WDR59: variants seen among roughly 807,000 people sequenced by gnomAD.
The protein encoded by WDR59 is WD repeat domain 59.
WDR59 carries 100 observed loss-of-function variants against 131.2 expected under a neutral mutation model. That is an observed-to-expected ratio of 0.76 (90% CI 0.65 to 0.90). The LOEUF is 0.90. Ranked by LOEUF, WDR59 falls within the 40% of genes least tolerant of loss-of-function variation. The pLI is 0.00. For synonymous variants in WDR59, 601 were observed against 466.2 expected, an observed-to-expected ratio of 1.29 and a Z score of -3.72; for missense variants, 1,203 against 1,262.2, an observed-to-expected ratio of 0.95 and a Z score of 0.71.
chr16:74,939,828 G>GA (rs34266133), intron 7 of WDR59, among the ~76,000 whole-genome samples: 2 of 151,720 alleles, frequency 1.3e-5, no homozygotes, highest in African/African-American at 2.4e-5. Context: ...ATCTCTACAA[G>GA]AAAAAAATTT....
chr16:74,965,638 A>G (rs1402637354), intron 2 of WDR59, 135 bp downstream of exon 2: 1 of 1,036,886 alleles, frequency 9.6e-7, no homozygotes, highest in Non-Finnish European at 1.5e-6. Context: ...AGTAGCCCTG[A>G]GGCAAACAGG....
At chr16:74,982,856 G>C (rs146928586) in intron 1 of WDR59, among the ~76,000 whole-genome samples, 1 of 152,042 alleles carries the variant, frequency 6.6e-6, no homozygotes, top group East Asian at 1.9e-4. Flanking sequence ...CTCATTCTCC[G>C]GCAAAAGACA....
intron 5 of WDR59, among the ~76,000 whole-genome samples, chr16:74,949,330 CA>C (rs550013099): frequency 0.16 from 6,983 of 42,604 alleles, 98 homozygotes; most frequent in East Asian, 0.25. Context: ...TACCTTGTCT[CA>C]AAAAAAAAAA....
intron 17 of WDR59, among the ~76,000 whole-genome samples, chr16:74,907,047 A>T (rs1269917792): frequency 6.6e-6 from 1 of 152,154 alleles, no homozygotes; most frequent in East Asian, 1.9e-4. Flanking sequence ...CCCTTTGAGA[A>T]TACAGGACTG....
At chr16:74,945,957 A>C (rs1218861541) in intron 6 of WDR59, among the ~76,000 whole-genome samples, 3 of 151,650 alleles carry the variant, frequency 2.0e-5, no homozygotes, top group East Asian at 3.9e-4. Context: ...AGCTGAGATT[A>C]CAGGCATGCA....
At chr16:74,928,478 C>T (rs2031074390) in intron 8 of WDR59, among the ~76,000 whole-genome samples, 1 of 151,974 alleles carries the variant, frequency 6.6e-6, no homozygotes, top group Non-Finnish European at 1.5e-5. Context: ...CTAAACCTCC[C>T]AAAGTGCTGA....
At chr16:74,932,819 G>A (rs2031505729) in intron 8 of WDR59, among the ~76,000 whole-genome samples, 2 of 152,050 alleles carry the variant, frequency 1.3e-5, no homozygotes, top group Non-Finnish European at 2.9e-5. Flanking sequence ...CAGTTAATAG[G>A]GTGAAAGGAT....
At chr16:74,963,765 A>G (rs2033657068) in intron 2 of WDR59, among the ~76,000 whole-genome samples, 1 of 152,168 alleles carries the variant, frequency 6.6e-6, no homozygotes, top group South Asian at 2.1e-4. Context: ...TTTTTTTTAA[A>G]AAGAAGAGAA....
chr16:74,969,541 G>T (rs1439009130), intron 1 of WDR59, among the ~76,000 whole-genome samples: 1 of 150,430 alleles, frequency 6.6e-6, no homozygotes, highest in Non-Finnish European at 1.5e-5. Flanking sequence ...AAAGTACTGG[G>T]ACTACAGGTG....
intron 21 of WDR59, among the ~76,000 whole-genome samples, chr16:74,888,754 A>G (rs998274994): frequency 1.3e-5 from 2 of 152,196 alleles, no homozygotes; most frequent in Non-Finnish European, 2.9e-5. Context: ...GAAGGAGCTC[A>G]GAGGACACTG....
intron 6 of WDR59, among the ~76,000 whole-genome samples, chr16:74,945,331 G>T (rs1262238500): frequency 2.0e-5 from 3 of 151,498 alleles, no homozygotes; most frequent in Non-Finnish European, 2.9e-5. Flanking sequence ...AAAAAAATTA[G>T]CCGGGCATGG....
At chr16:74,916,078 G>A in intron 12 of WDR59, 49 bp downstream of exon 12, 1 of 1,613,892 alleles carries the variant, frequency 6.2e-7, no homozygotes. Context: ...CCACAACTCT[G>A]CAATGCGTAG....
At chr16:74,891,377 G>C (rs1197696207) in intron 20 of WDR59, among the ~76,000 whole-genome samples, 1 of 152,000 alleles carries the variant, frequency 6.6e-6, no homozygotes, top group African/African-American at 2.4e-5. Flanking sequence ...ATATACAGAA[G>C]GTATTGTCGA....
intron 3 of WDR59, among the ~76,000 whole-genome samples, chr16:74,955,627 C>T (rs372173432): frequency 1.3e-4 from 20 of 152,116 alleles, no homozygotes; most frequent in Non-Finnish European, 2.4e-4. Flanking sequence ...CTGGGAAGGG[C>T]GGCTTTCTGT....
chr16:74,929,287 G>C (rs1383751583), intron 8 of WDR59, among the ~76,000 whole-genome samples: 1 of 152,132 alleles, frequency 6.6e-6, no homozygotes, highest in Non-Finnish European at 1.5e-5. Context: ...GTGTTAGCCA[G>C]GATGGTCTCG....
intron 8 of WDR59, among the ~76,000 whole-genome samples, chr16:74,925,191 T>C (rs903287792): frequency 6.6e-6 from 1 of 152,144 alleles, no homozygotes; most frequent in African/African-American, 2.4e-5. Flanking sequence ...TAAAACAACT[T>C]AGATGACTCT....
chr16:74,970,731 A>T (rs891289903), intron 1 of WDR59, among the ~76,000 whole-genome samples: 2 of 151,902 alleles, frequency 1.3e-5, no homozygotes, highest in Non-Finnish European at 2.9e-5. Context: ...TTGTACACAG[A>T]GGTGCTCTGT....
chr16:74,916,198 G>A lies in WDR59; in HGVS notation c.1028C>T (p.Pro343Leu), dbSNP rs769892092. The change falls in exon 12 of 26, where the codon CCG (proline) becomes CTG (leucine). Residue 343 changes from proline (P) to leucine (L), a missense_variant. Coordinates refer to ENST00000262144, the MANE Select transcript of WDR59 (RefSeq NM_030581.4). ...DEFIESISLL[P>L]EPEKTLHTED... ...AGTGTGCAGGGTCTTCTCAGGTTCC[G>A]GCAGAAGGGAAATACTCTCAATGAA... The A allele has an allele frequency of 6.2e-6, 10 of 1,613,966 alleles. No homozygotes were observed. The highest frequency in any genetic ancestry group is 1.3e-5 in the African/African-American group (1 of 74,986).
At chr16:74,969,859 T>G (rs762103595) in intron 1 of WDR59, among the ~76,000 whole-genome samples, 3 of 151,968 alleles carry the variant, frequency 2.0e-5, no homozygotes, top group African/African-American at 7.3e-5. Context: ...TGATCTCAGC[T>G]CACTGCAGCC....
Sources: allele counts gnomAD v4.1 joint callset (sites outside exome capture counted in the v4.1 genomes callset), GRCh38; gene constraint gnomAD v4.1.1; transcripts MANE v1.5; gene names NCBI Gene and HGNC (gene_info 2026-07-23, HGNC 2026-07-21).